Variants in CTTNBP2NL observed in about 807,000 individuals in gnomAD.
The protein encoded by CTTNBP2NL is CTTNBP2 N-terminal-like protein.
A neutral mutation model predicts 32.5 loss-of-function variants in CTTNBP2NL; 16 were observed. The ratio of observed to expected loss-of-function variants is 0.49; its 90% confidence interval spans 0.33 to 0.75. CTTNBP2NL has a LOEUF of 0.75. CTTNBP2NL is among the 30% of genes least tolerant of loss of function. The pLI is 0.02. For synonymous variants in CTTNBP2NL, 298 were observed against 289.4 expected, an observed-to-expected ratio of 1.03 and a Z score of -0.30; for missense variants, 645 against 756.0, an observed-to-expected ratio of 0.85 and a Z score of 1.72.
At chr1:112,418,330 T>G (rs1415300145) in intron 3 of CTTNBP2NL, among the ~76,000 whole-genome samples, 1 of 152,168 alleles carries the variant, frequency 6.6e-6, no homozygotes, top group Admixed American at 6.5e-5. Context: ...GCAGCTATAC[T>G]CTTCTAGAGC....
intron 2 of CTTNBP2NL, among the ~76,000 whole-genome samples, chr1:112,414,088 A>G (rs1648983099): frequency 6.9e-6 from 1 of 145,260 alleles, no homozygotes; most frequent in Non-Finnish European, 1.5e-5. Context: ...AAAAAAGGCC[A>G]GGTGTGGTGG....
Position 112,457,256 on chromosome 1 carries a change from C to T in CTTNBP2NL, c.1764C>T (p.Gly588=). Residue 588 remains glycine, a synonymous_variant, in exon 6 of 6, where the codon GGC becomes GGT. Transcript: ENST00000271277. ...CACCCATCCCACCCAAGAAACCTGG[C>T]CTCACCCCTTCTCCATCTGCTACCA... The part of the protein sequence containing the change: ...NPPPIPPKKP[G]LTPSPSATTP... 1 of 1,614,162 alleles carries T rather than the reference C, an allele frequency of 6.2e-7. No homozygotes were observed. Among genetic ancestry groups the T allele is most frequent in the East Asian group, 2.2e-5 (1 of 44,878 alleles).
chr1:112,457,304 C>T lies in CTTNBP2NL; in HGVS notation c.1812C>T (p.Ser604=). The change falls in exon 6 of 6, where the codon TCC becomes TCT. Residue 604 remains serine, a synonymous_variant. Transcript: ENST00000271277. ...CCACTCCATTGACCAAAACTCATTCCCAGGCAGCCTCTTTGACCACTGCAG... is the reference window on the plus strand; with the variant it reads ...CCACTCCATTGACCAAAACTCATTCTCAGGCAGCCTCTTTGACCACTGCAG... The part of the protein sequence containing the change: ...SATTPLTKTH[S]QAASLTTAED... 1 of 1,614,196 alleles carries T rather than the reference C, an allele frequency of 6.2e-7. No individual in the cohort carries two copies. The highest frequency in any genetic ancestry group is 1.3e-5 in the African/African-American group (1 of 75,032).
At chr1:112,424,066 A>G (rs983034970) in intron 3 of CTTNBP2NL, among the ~76,000 whole-genome samples, 3 of 152,172 alleles carry the variant, frequency 2.0e-5, no homozygotes, top group Non-Finnish European at 2.9e-5. Flanking sequence ...TGTTATATCT[A>G]GGAAATCTTT....
At chr1:112,430,248 C>G (rs1185936566) in intron 3 of CTTNBP2NL, among the ~76,000 whole-genome samples, 1 of 145,686 alleles carries the variant, frequency 6.9e-6, no homozygotes, top group East Asian at 2.0e-4. Context: ...ATTTTTGAGA[C>G]AGGGTCTCAC....
chr1:112,446,792 C>A (rs1428779373), intron 3 of CTTNBP2NL, among the ~76,000 whole-genome samples: 1 of 152,160 alleles, frequency 6.6e-6, no homozygotes, highest in East Asian at 1.9e-4. Context: ...TCAAGTGATT[C>A]TCCTGCCTCT....
chr1:112,440,512 A>G (rs1329428093), intron 3 of CTTNBP2NL, among the ~76,000 whole-genome samples: 1 of 152,208 alleles, frequency 6.6e-6, no homozygotes, highest in South Asian at 2.1e-4. Flanking sequence ...GACCCAGGGT[A>G]CACACCTATA....
At chr1:112,407,545 C>T (rs1259220924) in intron 1 of CTTNBP2NL, among the ~76,000 whole-genome samples, 1 of 152,138 alleles carries the variant, frequency 6.6e-6, no homozygotes, top group Non-Finnish European at 1.5e-5. Context: ...CTCATTTTAA[C>T]TTAATTATCT....
intron 2 of CTTNBP2NL, among the ~76,000 whole-genome samples, chr1:112,413,324 G>T (rs1408660785): frequency 1.3e-5 from 2 of 152,166 alleles, no homozygotes; most frequent in Non-Finnish European, 2.9e-5. Context: ...TATTTCCGAG[G>T]TCATCGATCT....
intron 3 of CTTNBP2NL, among the ~76,000 whole-genome samples, chr1:112,419,132 T>C (rs1649150764): frequency 6.6e-6 from 1 of 152,200 alleles, no homozygotes; most frequent in African/African-American, 2.4e-5. Flanking sequence ...GGATATCCTC[T>C]TTTAAAACCG....
chr1:112,446,651 A>G (rs192974032), intron 3 of CTTNBP2NL, among the ~76,000 whole-genome samples: 15 of 152,306 alleles, frequency 9.8e-5, no homozygotes, highest in African/African-American at 3.4e-4. Context: ...CCTAGGCTCA[A>G]CCAATCCTCC....
intron 1 of CTTNBP2NL, chr1:112,396,626 A>AC (rs1648338419): frequency 6.6e-6 from 1 of 151,306 alleles, no homozygotes; most frequent in South Asian, 2.1e-4. Context: ...CCCATTTCGT[A>AC]CCCCCGGAAG....
chr1:112,409,684 T>G (rs1648795232), intron 1 of CTTNBP2NL, among the ~76,000 whole-genome samples: 1 of 152,196 alleles, frequency 6.6e-6, no homozygotes, highest in Non-Finnish European at 1.5e-5. Flanking sequence ...TTTCCGCCAT[T>G]CAGTCTCTAT....
intron 3 of CTTNBP2NL, among the ~76,000 whole-genome samples, chr1:112,433,850 A>C (rs114805305): frequency 2.0e-5 from 3 of 150,526 alleles, no homozygotes; most frequent in Admixed American, 2.0e-4. Context: ...TGTTGCTTCT[A>C]TCTGCTGTGT....
chr1:112,412,088 C>T (rs1247784738), intron 1 of CTTNBP2NL, 106 bp from the exon 2 acceptor site: 1 of 152,166 alleles, frequency 6.6e-6, no homozygotes, highest in Non-Finnish European at 1.5e-5. Context: ...TCATTATCAA[C>T]CTGCAGCTGT....
At chr1:112,415,363 A>G (rs772621428) in intron 2 of CTTNBP2NL, among the ~76,000 whole-genome samples, 1 of 152,186 alleles carries the variant, frequency 6.6e-6, no homozygotes. Flanking sequence ...TACTCCCACC[A>G]AACATTATCT....
intron 1 of CTTNBP2NL, among the ~76,000 whole-genome samples, chr1:112,399,318 C>CAAAAA (rs72332884): frequency 5.3e-4 from 41 of 77,868 alleles, no homozygotes; most frequent in East Asian, 1.1e-3. Flanking sequence ...GACTCTGTCT[C>CAAAAA]AAAAAAAAAA....
rs768068935 is a variant in CTTNBP2NL at position 112,456,685 on chromosome 1, C to G, written c.1193C>G (p.Thr398Ser). The change falls in exon 6 of 6, where the codon ACT (threonine) becomes AGT (serine). Residue 398 changes from threonine (T) to serine (S), a missense_variant. Thr to Ser is a moderately conservative substitution (Grantham distance 58). Transcript: ENST00000271277. ...ENGGCPVGIE[T>S]PVPMPSPLSS... ...GGTGGGTGTCCTGTGGGGATTGAGA[C>G]TCCAGTCCCAATGCCCAGTCCCCTC... The G allele has an allele frequency of 1.2e-6, 2 of 1,614,002 alleles. No homozygotes were observed. The highest frequency in any genetic ancestry group is 2.2e-5 in the South Asian group (2 of 91,076).
chr1:112,447,688 T>C lies in CTTNBP2NL; in HGVS notation c.100-1254T>C, dbSNP rs74112712. 3.2e-3 allele frequency among the ~76,000 whole-genome samples: 480 copies of C among 152,350 alleles called. 3 individuals carry two copies. The highest frequency in any genetic ancestry group is 0.011 in the African/African-American group (448 of 41,582). ...ATGTTTGCTTTATTTTCTTAAAGTT[T>C]CCTTTAAATTAAAGCATAGCCAATG... On this transcript the variant is annotated intron_variant, in intron 3 of 5. Coordinates refer to ENST00000271277, the MANE Select transcript of CTTNBP2NL (RefSeq NM_018704.3).
Sources: gnomAD v4.1 joint callset for allele counts (sites outside exome capture counted in the v4.1 genomes callset) on GRCh38, gnomAD v4.1.1 for gene constraint, MANE v1.5 for transcripts, NCBI Gene and HGNC (gene_info 2026-07-23, HGNC 2026-07-21) for gene names.